Variants in CAPN9 observed in about 807,000 individuals in gnomAD.
CAPN9 encodes calpain 9.
Under a neutral mutation model 92.8 loss-of-function variants are expected in CAPN9, and 81 were observed. The observed-to-expected ratio is 0.87, with a 90% CI of 0.73 to 1.05. CAPN9 has a LOEUF of 1.05. Among genes scored for constraint, CAPN9 ranks in the 50% least tolerant of loss-of-function variants. CAPN9 has a pLI of 0.00. For synonymous variants in CAPN9, 304 were observed against 328.0 expected (o/e 0.93, Z 0.79); for missense variants, 848 against 866.2 (o/e 0.98, Z 0.26).
intron 11 of CAPN9, among the ~76,000 whole-genome samples, chr1:230,784,561 G>T (rs1667449090): frequency 6.6e-6 from 1 of 152,214 alleles, no homozygotes; most frequent in Admixed American, 6.5e-5. Context: ...TACTGCTTCA[G>T]AGGGTGCAAG....
chr1:230,773,620 G>A (rs182846494), intron 7 of CAPN9, among the ~76,000 whole-genome samples: 3 of 152,206 alleles, frequency 2.0e-5, no homozygotes, highest in Admixed American at 2.0e-4. Context: ...TGTGAGTAGG[G>A]TTGAAGGCAC....
chr1:230,794,753 A>G (rs1668232900), intron 17 of CAPN9, among the ~76,000 whole-genome samples: 1 of 152,204 alleles, frequency 6.6e-6, no homozygotes, highest in Non-Finnish European at 1.5e-5. Flanking sequence ...GTGACCTGAG[A>G]CATAGAACGC....
intron 12 of CAPN9, chr1:230,786,249 C>A: frequency 1.3e-6 from 1 of 748,392 alleles, no homozygotes. Context: ...GTATAAAGTT[C>A]TGTTCGATGT....
chr1:230,752,076 A>T (rs978730289), intron 1 of CAPN9, among the ~76,000 whole-genome samples: 2 of 152,156 alleles, frequency 1.3e-5, no homozygotes, highest in Admixed American at 6.5e-5. Flanking sequence ...CATGCAGGAC[A>T]CTCACACGTA....
intron 7 of CAPN9, among the ~76,000 whole-genome samples, chr1:230,772,398 T>C (rs554005046): frequency 1.3e-5 from 2 of 152,280 alleles, no homozygotes; most frequent in South Asian, 4.1e-4. Context: ...AGTGATATGG[T>C]GAAAAGCTTT....
Position 230,798,295 on chromosome 1 carries a change from C to T in CAPN9, c.2046+75C>T, listed in dbSNP as rs1668476343. ...GAGTCCACGCTGCATAGATGTTTGC[C>T]GAATGCTTGATTTCATGCAAGGGCT... On this transcript the variant is annotated intron_variant, in intron 19 of 19. Transcript: ENST00000271971. 6 of 952,666 alleles carry T rather than the reference C, an allele frequency of 6.3e-6. No homozygotes were observed. In the South Asian group the frequency reaches 7.0e-5, roughly 11 times the overall value. The allele number at this position is 952,666 out of a possible 1,614,324, so 59.0% of individuals were successfully genotyped here.
chr1:230,768,324 A>G (rs1337984511), intron 5 of CAPN9, among the ~76,000 whole-genome samples: 1 of 152,084 alleles, frequency 6.6e-6, no homozygotes, highest in Non-Finnish European at 1.5e-5. Context: ...AGATGGAACA[A>G]TCTTGAGGCC....
At chr1:230,785,174 T>C (rs1312708269) in intron 11 of CAPN9, among the ~76,000 whole-genome samples, 1 of 152,222 alleles carries the variant, frequency 6.6e-6, no homozygotes, top group Non-Finnish European at 1.5e-5. Context: ...GGAATTTGTA[T>C]ATCTTGGAAC....
At chr1:230,785,830 G>T in intron 11 of CAPN9, 151 bp from the exon 12 acceptor site, 1 of 741,092 alleles carries the variant, frequency 1.3e-6, no homozygotes. Context: ...GTCAATGCAT[G>T]GGGTCTGCAA....
chr1:230,758,086 CT>C (rs1430525250), intron 2 of CAPN9, among the ~76,000 whole-genome samples: 2 of 152,212 alleles, frequency 1.3e-5, no homozygotes, highest in Non-Finnish European at 2.9e-5. Context: ...GAAAAGCAAT[CT>C]TGTTTTGGCT....
Position 230,801,574 on chromosome 1 carries a change from T to C in CAPN9, c.2051T>C (p.Ile684Thr), listed in dbSNP as rs774489843. The stretch of plus-strand genomic sequence containing the variant: ...TCTCTCTCTCTCTCTTCCCAGTTCA[T>C]CCATTTGACAATGAACATCTGAGGC... The part of the protein sequence containing the change: ...EFIHLNINEF[I>T]HLTMNI Residue 684 changes from isoleucine to threonine, a missense_variant, in exon 20 of 20, where the codon ATC becomes ACC. Ile to Thr is a moderately conservative substitution (Grantham distance 89). Transcript: ENST00000271971. 6.2e-7 allele frequency: 1 copy of C among 1,613,928 alleles called. No homozygotes were observed. Among genetic ancestry groups the C allele is most frequent in the Admixed American group, 1.7e-5 (1 of 60,016 alleles).
intron 18 of CAPN9, among the ~76,000 whole-genome samples, chr1:230,796,166 A>C (rs967421885): frequency 4.6e-5 from 7 of 151,798 alleles, no homozygotes; most frequent in Admixed American, 1.3e-4. Flanking sequence ...TCTACTAAAA[A>C]TACAAAAAAT....
intron 2 of CAPN9, 33 bp from the exon 3 acceptor site, chr1:230,759,479 T>C (rs1297392523): frequency 6.7e-7 from 1 of 1,484,780 alleles, no homozygotes; most frequent in Non-Finnish European, 9.3e-7. Flanking sequence ...GAAATAGCAA[T>C]GAAAATTGTG....
chr1:230,800,809 C>T (rs759816461), intron 19 of CAPN9, among the ~76,000 whole-genome samples: 3 of 152,142 alleles, frequency 2.0e-5, no homozygotes, highest in African/African-American at 4.8e-5. Flanking sequence ...CAGTGTGCAG[C>T]CAGGTCTGAA....
At chr1:230,785,398 T>C (rs1667514017) in intron 11 of CAPN9, among the ~76,000 whole-genome samples, 1 of 152,152 alleles carries the variant, frequency 6.6e-6, no homozygotes, top group African/African-American at 2.4e-5. Flanking sequence ...CCAAATCTGA[T>C]GTTGAATTGT....
intron 12 of CAPN9, among the ~76,000 whole-genome samples, chr1:230,786,662 G>C (rs1162454803): frequency 2.6e-5 from 4 of 152,138 alleles, no homozygotes; most frequent in Admixed American, 6.5e-5. Flanking sequence ...CTATTTGTCA[G>C]GGTTTTCTTA....
chr1:230,770,332 C>T (rs1487437861), intron 6 of CAPN9, among the ~76,000 whole-genome samples: 1 of 152,208 alleles, frequency 6.6e-6, no homozygotes, highest in Non-Finnish European at 1.5e-5. Flanking sequence ...TTCCCCCTTC[C>T]TCTGCCTTTT....
intron 11 of CAPN9, among the ~76,000 whole-genome samples, chr1:230,785,127 A>G (rs1190157835): frequency 6.6e-6 from 1 of 152,230 alleles, no homozygotes; most frequent in Non-Finnish European, 1.5e-5. Context: ...TGTTTACCCA[A>G]TGCCTATACT....
chr1:230,767,417 C>A, intron 4 of CAPN9, 124 bp from the exon 5 acceptor site: 2 of 755,426 alleles, frequency 2.6e-6, no homozygotes, highest in Non-Finnish European at 4.2e-6. Context: ...TCCTTCCACA[C>A]CACCCAGCCA....
Sources: gnomAD v4.1 joint callset for allele counts (sites outside exome capture counted in the v4.1 genomes callset) on GRCh38, gnomAD v4.1.1 for gene constraint, MANE v1.5 for transcripts, NCBI Gene and HGNC (gene_info 2026-07-23, HGNC 2026-07-21) for gene names.